Variants in PTPRJ observed in about 807,000 individuals in gnomAD.
PTPRJ encodes receptor-type tyrosine-protein phosphatase eta.
In PTPRJ, 129 loss-of-function variants were observed where a neutral mutation model predicts 141.3. That is an observed-to-expected ratio of 0.91 (90% CI 0.79 to 1.06). The LOEUF (loss-of-function observed/expected upper bound fraction) is 1.06, where lower values mean the gene tolerates loss of function less well. PTPRJ is among the 50% of genes least tolerant of loss of function. PTPRJ has a pLI of 0.00. For missense variants in PTPRJ, 1,601 were observed against 1,679.7 expected, an observed-to-expected ratio of 0.95 and a Z score of 0.82; for synonymous variants, 610 against 640.5, an observed-to-expected ratio of 0.95 and a Z score of 0.72.
chr11:48,049,520 C>CAAAACAA (rs780254524), intron 1 of PTPRJ, among the ~76,000 whole-genome samples: 115 of 73,946 alleles, frequency 1.6e-3, no homozygotes, highest in African/African-American at 5.9e-3. Flanking sequence ...TCTACTAAAA[C>CAAAACAA]AAAACAAAAC....
chr11:48,131,386 A>C, intron 8 of PTPRJ: 1 of 647,654 alleles, frequency 1.5e-6, no homozygotes, highest in Non-Finnish European at 2.9e-6. Flanking sequence ...CCCAGCCCAC[A>C]AATATATATT....
chr11:48,101,027 G>C (rs774324132), intron 1 of PTPRJ, among the ~76,000 whole-genome samples: 1 of 152,136 alleles, frequency 6.6e-6, no homozygotes, highest in Non-Finnish European at 1.5e-5. Context: ...GGCTTTCTCA[G>C]GTTCCTGTAG....
At chr11:48,020,350 C>G (rs527258079) in intron 1 of PTPRJ, among the ~76,000 whole-genome samples, 1 of 152,172 alleles carries the variant, frequency 6.6e-6, no homozygotes, top group African/African-American at 2.4e-5. Context: ...TTATGAAATA[C>G]GGAAATTTTT....
intron 10 of PTPRJ, among the ~76,000 whole-genome samples, chr11:48,138,273 C>A (rs1225576521): frequency 2.6e-5 from 4 of 152,232 alleles, no homozygotes; most frequent in African/African-American, 9.6e-5. Flanking sequence ...CTGGTCTAGA[C>A]ACCCATCTTT....
Position 47,980,814 on chromosome 11 carries a change from C to T in PTPRJ, c.-99C>T. 1.9e-6 allele frequency: 2 copies of T among 1,047,034 alleles called. No homozygotes were observed. The highest frequency in any genetic ancestry group is 2.3e-6 in the Non-Finnish European group (2 of 872,236). 64.9% of individuals were successfully genotyped at this position (1,047,034 alleles called of 1,614,324 possible). On this transcript the variant is annotated 5_prime_UTR_variant, in exon 1 of 25. The change creates a premature stop within an existing upstream ORF in the 5' untranslated region. Transcript: ENST00000418331. ...GCGGACCGGCTGGCGGAGGAGGAGG[C>T]GAAGGAGACGGCAGGAGGCGGCGAC...
In PTPRJ at chr11:48,137,040, C is replaced by T; in HGVS notation, c.1911C>T (p.Asn637=). The change falls in exon 10 of 25, where the codon AAC becomes AAT. Residue 637 remains asparagine (N), a synonymous_variant. Coordinates refer to ENST00000418331, the MANE Select transcript of PTPRJ (RefSeq NM_002843.4). The stretch of plus-strand genomic sequence containing the variant: ...TGTCCAACATTGATGTAAGTACCAA[C>T]ACCACAGCAGCAACTTTAAGTTGGC... ...SNVSNIDVST[N]TTAATLSWQN... is the part of the protein sequence containing the mutation. The T allele has an allele frequency of 6.2e-7, 1 of 1,606,176 alleles. No homozygotes were observed.
rs549967795 is a variant in PTPRJ, at chr11:48,166,247, AAG to A, written c.3856-955_3856-954del. Among the ~76,000 whole-genome samples, 132 of 151,862 alleles carry A rather than the reference AAG, an allele frequency of 8.7e-4. 1 individual carries two copies. The highest frequency in any genetic ancestry group is 5.0e-3 in the South Asian group (24 of 4,804). On this transcript the variant is annotated intron_variant, in intron 24 of 24. Transcript: ENST00000418331. ...TTTATAGTTTGGTGTACATCTTTATAAGACTCTTTATGTACATCTGTAAACAC... is the reference window on the plus strand; with the variant it reads ...TTTATAGTTTGGTGTACATCTTTATAACTCTTTATGTACATCTGTAAACAC...
rs1401167850 is a variant in PTPRJ, at chr11:48,042,055, G to A, written c.96+61047G>A. ...CTTCTCAAATAGTTTGCATTTACAC[G>A]AAGGCCACGGTGTACTTGTTTATTG... On this transcript the variant is annotated intron_variant, in intron 1 of 24. Transcript: ENST00000418331. 3.9e-5 allele frequency among the ~76,000 whole-genome samples: 6 copies of A among 152,094 alleles called. No homozygotes were observed. The South Asian group carries it at 6.2e-4, about 16-fold the overall frequency.
chr11:47,981,174 C>A (rs899922596), intron 1 of PTPRJ, among the ~76,000 whole-genome samples, 166 bp downstream of exon 1: 1 of 152,070 alleles, frequency 6.6e-6, no homozygotes, highest in Non-Finnish European at 1.5e-5. Flanking sequence ...CGGCCTCGCA[C>A]GCCGGCGATC....
chr11:48,017,641 C>T (rs1436876101), intron 1 of PTPRJ, among the ~76,000 whole-genome samples: 3 of 152,186 alleles, frequency 2.0e-5, no homozygotes, highest in East Asian at 1.9e-4. Flanking sequence ...CACACCTGAC[C>T]TCAGCATCCT....
At chr11:48,055,568 C>A (rs1025827730) in intron 1 of PTPRJ, among the ~76,000 whole-genome samples, 1 of 152,180 alleles carries the variant, frequency 6.6e-6, no homozygotes, top group African/African-American at 2.4e-5. Flanking sequence ...GCAGTGCCAC[C>A]CTCTACTCCA....
intron 12 of PTPRJ, among the ~76,000 whole-genome samples, chr11:48,143,500 T>C (rs1555055552): frequency 6.6e-6 from 1 of 152,146 alleles, no homozygotes; most frequent in Non-Finnish European, 1.5e-5. Context: ...TCTGTCTCTC[T>C]CTCTCACTCT....
chr11:48,161,656 A>G lies in PTPRJ; in HGVS notation c.3558+1607A>G, dbSNP rs539445113. Among the ~76,000 whole-genome samples, 10 of 151,902 alleles carry G rather than the reference A, an allele frequency of 6.6e-5. No individual in the cohort carries two copies. The South Asian group carries it at 2.1e-3, about 32-fold the overall frequency. ...GAGATGGAGTCTCTCTCTGTCATCC[A>G]GGCTGGAGTGCAGTAGCACAATCTC... is the stretch of plus-strand genomic sequence containing the variant. On this transcript the variant is annotated intron_variant, in intron 22 of 24. Coordinates refer to ENST00000418331, the MANE Select transcript of PTPRJ (RefSeq NM_002843.4).
In PTPRJ at chr11:48,144,677, G is replaced by T. The variant is rs767186830; in HGVS notation, c.2578G>T (p.Gly860Cys). 22 of 1,612,470 alleles carry T rather than the reference G, an allele frequency of 1.4e-5. No individual in the cohort carries two copies. The East Asian group carries it at 4.7e-4, about 34-fold the overall frequency. The change falls in exon 13 of 25, where the codon GGT (glycine) becomes TGT (cysteine). Residue 860 changes from glycine to cysteine, a missense_variant and splice_region_variant. Physicochemically the swap from Gly to Cys is radical, Grantham distance 159. Transcript: ENST00000418331. ...YAVILTTGEA[G>C]HPSADVLKYT... is the part of the protein sequence containing the mutation. ...CTCCTTCTGTGTACCTTTCTTAGCT[G>T]GTCACCCTTCTGCAGATGTCCTGAA...
At chr11:48,087,683 T>TG (rs1168136792) in intron 1 of PTPRJ, among the ~76,000 whole-genome samples, 1 of 152,234 alleles carries the variant, frequency 6.6e-6, no homozygotes, top group East Asian at 1.9e-4. Context: ...AGCACTGGTT[T>TG]TGAGTCATCC....
chr11:48,046,012 G>T (rs939648807), intron 1 of PTPRJ, among the ~76,000 whole-genome samples: 1 of 152,080 alleles, frequency 6.6e-6, no homozygotes, highest in South Asian at 2.1e-4. Context: ...GAGCACCTAG[G>T]TTGAGGCCCG....
chr11:48,152,625 A>T (rs1003133889), intron 18 of PTPRJ, among the ~76,000 whole-genome samples: 1 of 151,730 alleles, frequency 6.6e-6, no homozygotes, highest in African/African-American at 2.4e-5. Context: ...AATTTTTGTC[A>T]GTTTCAGCTT....
chr11:48,132,370 A>T (rs1323050992), intron 8 of PTPRJ: 1 of 977,226 alleles, frequency 1.0e-6, no homozygotes, highest in African/African-American at 1.8e-5. Flanking sequence ...GTCTCAAAAA[A>T]AAATTTTTTT....
At chr11:48,117,324 TG>T (rs1162615444) in intron 3 of PTPRJ, among the ~76,000 whole-genome samples, 1 of 151,844 alleles carries the variant, frequency 6.6e-6, no homozygotes, top group African/African-American at 2.4e-5. Flanking sequence ...GCGGATCACT[TG>T]AGGTCAGGAG....
Sources: allele counts gnomAD v4.1 joint callset (sites outside exome capture counted in the v4.1 genomes callset), GRCh38; gene constraint gnomAD v4.1.1; transcripts MANE v1.5; gene names NCBI Gene and HGNC (gene_info 2026-07-23, HGNC 2026-07-21).